CACNA1C: variants seen among roughly 807,000 people sequenced by gnomAD.
The protein encoded by CACNA1C is calcium voltage-gated channel subunit alpha1 C.
CACNA1C carries 30 observed loss-of-function variants against 229.0 expected under a neutral mutation model. The observed-to-expected ratio is 0.13, with a 90% CI of 0.10 to 0.18. The LOEUF (loss-of-function observed/expected upper bound fraction) is 0.18. Ranked by LOEUF, CACNA1C falls within the 10% of genes least tolerant of loss-of-function variation. The pLI is 1.00. For synonymous variants in CACNA1C, 1,114 were observed against 1,132.5 expected (o/e 0.98, Z 0.33); for missense variants, 1,658 against 2,845.0 (o/e 0.58, Z 9.49).
chr12:2,535,469 TGGGA>T (rs2099851282), intron 9 of CACNA1C, among the ~76,000 whole-genome samples: 1 of 149,058 alleles, frequency 6.7e-6, no homozygotes, highest in Admixed American at 6.7e-5. Flanking sequence ...GAGGGCGAGG[TGGGA>T]TGATCGCTTG....
At chr12:2,199,512 CAT>C (rs1566332805) in intron 3 of CACNA1C, among the ~76,000 whole-genome samples, 1 of 152,098 alleles carries the variant, frequency 6.6e-6, no homozygotes, top group African/African-American at 2.4e-5. Flanking sequence ...ATATATATAA[CAT>C]ATATAATATG....
intron 3 of CACNA1C, among the ~76,000 whole-genome samples, chr12:2,204,522 A>C (rs542767971): frequency 1.2e-3 from 180 of 151,444 alleles, no homozygotes; most frequent in African/African-American, 4.2e-3. Context: ...TATTCACAAT[A>C]GCAAAGACTT....
At chr12:2,193,930 AG>A (rs1431889882) in intron 3 of CACNA1C, among the ~76,000 whole-genome samples, 2 of 152,052 alleles carry the variant, frequency 1.3e-5, no homozygotes, top group Non-Finnish European at 2.9e-5. Flanking sequence ...ATCTTCCTTG[AG>A]GTTAGCCATC....
intron 9 of CACNA1C, among the ~76,000 whole-genome samples, chr12:2,531,898 C>G (rs554134471): frequency 6.6e-6 from 1 of 152,190 alleles, no homozygotes; most frequent in South Asian, 2.1e-4. Context: ...AGTCTCTCCA[C>G]CCTGCTTCTT....
chr12:1,994,207 C>G (rs2040240597), intron 1 of CACNA1C, among the ~76,000 whole-genome samples: 1 of 152,176 alleles, frequency 6.6e-6, no homozygotes. Context: ...TGCGCAACTT[C>G]CGGTGACAAA....
rs1259440206 is a variant in CACNA1C, at chr12:2,322,716, A to G, written c.478-126260A>G. Among the ~76,000 whole-genome samples, 4 of 152,156 alleles carry G rather than the reference A, an allele frequency of 2.6e-5. No individual in the cohort carries two copies. In the East Asian group the frequency reaches 7.7e-4, roughly 29 times the overall value. On this transcript the variant is annotated intron_variant, in intron 3 of 46. Coordinates refer to ENST00000399655, the MANE Select transcript of CACNA1C (RefSeq NM_000719.7). ...GCCCCTTCTTACCATGCCGCGTTGC[A>G]CGGCAGTTATGCTGTGGCATTGCCA... is the stretch of plus-strand genomic sequence containing the variant.
rs1603474975 is a variant in CACNA1C, at chr12:2,694,804, A to G, written c.*3605A>G. Reference sequence around the variant, plus strand: ...ACACCTAGAAAATGAGGACTTTGGAAGTCACCCAAAAGATGGTGGCTACTT... The same window carrying G: ...ACACCTAGAAAATGAGGACTTTGGAGGTCACCCAAAAGATGGTGGCTACTT... On this transcript the variant is annotated 3_prime_UTR_variant, in exon 47 of 47. Transcript: ENST00000399655. 1 of 152,214 alleles carries G rather than the reference A, an allele frequency of 6.6e-6. No homozygotes were observed. The highest frequency in any genetic ancestry group is 1.5e-5 in the Non-Finnish European group (1 of 68,044). The allele number at this position is 152,214 out of a possible 1,614,324, so 9.4% of individuals were successfully genotyped here.
upstream of CACNA1C, among the ~76,000 whole-genome samples, chr12:2,051,792 C>T (rs2052285525): frequency 6.6e-6 from 1 of 152,194 alleles, no homozygotes; most frequent in South Asian, 2.1e-4. Flanking sequence ...ATCAGGAATC[C>T]AGTGTTTGGA....
rs1556333702 is a variant in CACNA1C, at chr12:2,691,044, C to G, written c.6262C>G (p.Gln2088Glu). The G allele has an allele frequency of 1.2e-6, 2 of 1,605,188 alleles. No homozygotes were observed. Among genetic ancestry groups the G allele is most frequent in the African/African-American group, 1.3e-5 (1 of 74,758 alleles). Residue 2088 changes from glutamine (Q) to glutamate (E), a missense_variant, in exon 47 of 47, where the codon CAG becomes GAG. By Grantham distance (29) the Gln-to-Glu change is conservative. Coordinates refer to ENST00000399655, the MANE Select transcript of CACNA1C (RefSeq NM_000719.7). ...ADNILSGGAP[Q>E]SPNGALLPFV... is the part of the protein sequence containing the mutation. ...CAACATCCTCAGCGGGGGCGCCCCA[C>G]AGAGCCCCAATGGCGCCCTCTTACC...
chr12:2,255,169 G>T (rs557498798), intron 3 of CACNA1C, among the ~76,000 whole-genome samples: 1 of 151,476 alleles, frequency 6.6e-6, no homozygotes, highest in African/African-American at 2.4e-5. Context: ...TTTGCCATCT[G>T]CAAAATATGG....
intron 3 of CACNA1C, among the ~76,000 whole-genome samples, chr12:2,320,407 C>T (rs1245905013): frequency 2.6e-5 from 4 of 152,356 alleles, no homozygotes; most frequent in East Asian, 3.9e-4. Flanking sequence ...AATACCAACA[C>T]GTCCTAGTCC....
At chr12:2,018,713 G>A (rs1372547804) in intron 1 of CACNA1C, among the ~76,000 whole-genome samples, 3 of 152,190 alleles carry the variant, frequency 2.0e-5, no homozygotes, top group Non-Finnish European at 4.4e-5. Context: ...ACTCAGTTCA[G>A]TTGGCCAGTA....
chr12:2,348,753 C>G lies in CACNA1C; in HGVS notation c.478-100223C>G, dbSNP rs1050316091. Reference sequence around the variant, plus strand: ...TGTCTCGGGGGAAAGGTTCCTTCCTCGGGAACTGGGTGGCATGGGAGAGTA... The same window carrying G: ...TGTCTCGGGGGAAAGGTTCCTTCCTGGGGAACTGGGTGGCATGGGAGAGTA... On this transcript the variant is annotated intron_variant, in intron 3 of 46. Transcript: ENST00000399655. This position sits in a 1 kb window ranked among gnomAD's most constrained non-coding sequence, Gnocchi z 4.7. Among the ~76,000 whole-genome samples the G allele has an allele frequency of 2.0e-5, 3 of 152,046 alleles. No homozygotes were observed. The highest frequency in any genetic ancestry group is 2.9e-5 in the Non-Finnish European group (2 of 67,996).
chr12:2,674,252 T>C (rs1348636953), intron 38 of CACNA1C, among the ~76,000 whole-genome samples: 1 of 151,036 alleles, frequency 6.6e-6, no homozygotes, highest in African/African-American at 2.4e-5. Context: ...TGAGTGCCGG[T>C]GGAGGGGCCC....
intron 34 of CACNA1C, among the ~76,000 whole-genome samples, chr12:2,658,966 C>T (rs968113276): frequency 6.6e-6 from 1 of 151,720 alleles, no homozygotes; most frequent in Non-Finnish European, 1.5e-5. Flanking sequence ...ACAAAAGAGT[C>T]CAAAAGTTAA....
At chr12:2,532,798 C>T (rs572784507) in intron 9 of CACNA1C, among the ~76,000 whole-genome samples, 2 of 152,276 alleles carry the variant, frequency 1.3e-5, no homozygotes, top group South Asian at 4.1e-4. Context: ...AGACAGGTCA[C>T]GGAGAGGTAG....
intron 3 of CACNA1C, among the ~76,000 whole-genome samples, chr12:2,185,902 C>T (rs2154289863): frequency 6.6e-6 from 1 of 152,300 alleles, no homozygotes; most frequent in South Asian, 2.1e-4. Context: ...AGACTTCCTG[C>T]AGTCTCTCAG....
intron 3 of CACNA1C, among the ~76,000 whole-genome samples, chr12:2,281,673 A>G (rs1376062114): frequency 6.6e-6 from 1 of 152,116 alleles, no homozygotes; most frequent in Non-Finnish European, 1.5e-5. Flanking sequence ...CACTGTACCT[A>G]AATGTGTCTT....
intron 3 of CACNA1C, among the ~76,000 whole-genome samples, chr12:2,232,396 C>T (rs1450770427): frequency 6.6e-6 from 1 of 152,062 alleles, no homozygotes; most frequent in Non-Finnish European, 1.5e-5. Flanking sequence ...ATACTAAATG[C>T]ATACTTCTGA....
Sources: allele counts gnomAD v4.1 joint callset (sites outside exome capture counted in the v4.1 genomes callset), GRCh38; gene constraint gnomAD v4.1.1; non-coding constraint Gnocchi (gnomAD v3.1); transcripts MANE v1.5; gene names NCBI Gene and HGNC (gene_info 2026-07-23, HGNC 2026-07-21).